The following COL5A1 variants were observed in gnomAD, a reference collection of about 807,000 sequenced individuals.
COL5A1 encodes the protein collagen alpha-1(V) chain.
A neutral mutation model predicts 263.7 loss-of-function variants in COL5A1; 16 were observed. The observed-to-expected ratio is 0.06, with a 90% confidence interval of 0.04 to 0.09. The LOEUF (loss-of-function observed/expected upper bound fraction) is 0.09. COL5A1 is among the 10% of genes least tolerant of loss of function. COL5A1 has a pLI of 1.00. For synonymous variants in COL5A1, 1,012 were observed against 1,004.5 expected (o/e 1.01, Z -0.14); for missense variants, 2,036 against 2,540.5 (o/e 0.80, Z 4.27).
At chr9:134,726,743 TGAAA>T (rs1834669550) in intron 4 of COL5A1, among the ~76,000 whole-genome samples, 1 of 148,786 alleles carries the variant, frequency 6.7e-6, no homozygotes, top group African/African-American at 2.5e-5. Flanking sequence ...AATGGATGAA[TGAAA>T]GAGTGGATGG....
chr9:134,756,245 C>T (rs1429501860), intron 16 of COL5A1, among the ~76,000 whole-genome samples: 3 of 152,322 alleles, frequency 2.0e-5, no homozygotes, highest in Admixed American at 6.5e-5. Context: ...TGCTGCCTCC[C>T]GTCGCTGTGT....
Position 134,798,438 on chromosome 9 carries a change from C to T in COL5A1, c.2929C>T (p.His977Tyr), listed in dbSNP as rs752716154. The part of the protein sequence containing the change: ...GPPGKDGLPG[H>Y]PGQRGETGFQ... ...TCCAGGCAAGGATGGACTCCCAGGA[C>T]ACCCTGGACAGAGAGGCGAGACTGT... is the stretch of plus-strand genomic sequence containing the variant. The change falls in exon 37 of 66, where the codon CAC becomes TAC. Residue 977 changes from histidine (H) to tyrosine (Y), a missense_variant. Coordinates refer to ENST00000371817, the MANE Select transcript of COL5A1 (RefSeq NM_000093.5). The T allele has an allele frequency of 1.2e-6, 2 of 1,614,130 alleles. No individual in the cohort carries two copies. The highest frequency in any genetic ancestry group is 1.1e-5 in the South Asian group (1 of 91,080).
At position 134,784,955 on chromosome 9, in the gene COL5A1, G is replaced by GGGGCA. The variant is rs376936600; in HGVS notation, c.2485-34_2485-33insGGGCA. On this transcript the variant is annotated intron_variant, in intron 29 of 65. Coordinates refer to ENST00000371817, the MANE Select transcript of COL5A1 (RefSeq NM_000093.5). The stretch of plus-strand genomic sequence containing the variant: ...GTGGAGAATAGTGTGTGTGCGGGGG[G>GGGGCA]TGGTCTTCTCACCTCCTCTTTTCTG... 271 of 1,501,978 alleles carry GGGGCA rather than the reference G, an allele frequency of 1.8e-4. 3 individuals carry two copies. In the African/African-American group the frequency reaches 1.9e-3, roughly 10 times the overall value. 93.0% of individuals were successfully genotyped at this position (1,501,978 alleles called of 1,614,324 possible).
chr9:134,822,032 G>T, intron 58 of COL5A1, 65 bp from the exon 59 acceptor site: 1 of 1,425,352 alleles, frequency 7.0e-7, no homozygotes, highest in Non-Finnish European at 9.9e-7. Context: ...CTGGGTAGCA[G>T]GGTTGCAGCC....
At chr9:134,650,710 G>A (rs926836003) in intron 1 of COL5A1, among the ~76,000 whole-genome samples, 1 of 152,268 alleles carries the variant, frequency 6.6e-6, no homozygotes, top group Admixed American at 6.5e-5. Flanking sequence ...GCGCCTGAAG[G>A]CAGGCTCCCA....
chr9:134,668,112 G>A (rs1409166567), intron 1 of COL5A1, among the ~76,000 whole-genome samples: 8 of 152,194 alleles, frequency 5.3e-5, no homozygotes, highest in Non-Finnish European at 1.0e-4. Context: ...CCCTGCTCTC[G>A]AGTCCTGTGT....
intron 28 of COL5A1, 173 bp from the exon 29 acceptor site, chr9:134,782,494 A>G: frequency 2.8e-6 from 2 of 725,194 alleles, no homozygotes; most frequent in South Asian, 3.0e-5. Context: ...CGCAGAGCTC[A>G]TGGGAAAGCC....
rs555838545 is a variant in COL5A1, at chr9:134,754,034, G to T, written c.1773+131G>T. On this transcript the variant is annotated intron_variant, in intron 15 of 65. Coordinates refer to ENST00000371817, the MANE Select transcript of COL5A1 (RefSeq NM_000093.5). This position sits in a 1 kb window ranked among gnomAD's most constrained non-coding sequence, Gnocchi z 4.3. ...TTCGTGGGAATTGTCCTTGCTTTAC[G>T]CAGTGCTGAGGGTGGAGCACAATGA... The T allele has an allele frequency of 3.3e-6, 3 of 896,058 alleles. No individual in the cohort carries two copies. The highest frequency in any genetic ancestry group is 5.4e-6 in the Non-Finnish European group (3 of 551,710). The allele number at this position is 896,058 out of a possible 1,614,324, so 55.5% of individuals were successfully genotyped here.
At chr9:134,816,213 CTG>C (rs1018684874) in intron 52 of COL5A1, among the ~76,000 whole-genome samples, 1 of 152,226 alleles carries the variant, frequency 6.6e-6, no homozygotes, top group African/African-American at 2.4e-5. Flanking sequence ...GATGCACGTG[CTG>C]TCTCAGCAGC....
intron 13 of COL5A1, among the ~76,000 whole-genome samples, chr9:134,751,237 G>T (rs111653304): frequency 4.1e-4 from 62 of 151,156 alleles, no homozygotes; most frequent in Non-Finnish European, 7.3e-4. Flanking sequence ...TCACTGTCCA[G>T]TAGGGACCCC....
intron 2 of COL5A1, among the ~76,000 whole-genome samples, chr9:134,698,931 C>T (rs945955833): frequency 6.6e-6 from 1 of 152,232 alleles, no homozygotes; most frequent in African/African-American, 2.4e-5. Context: ...GGCCCCCCTT[C>T]CTTGGCATGT....
At chr9:134,739,470 G>A (rs1013461209) in intron 11 of COL5A1, among the ~76,000 whole-genome samples, 2 of 152,356 alleles carry the variant, frequency 1.3e-5, no homozygotes, top group Admixed American at 6.5e-5. Flanking sequence ...GGCTGCGTGC[G>A]GGTGTTCGCG....
At chr9:134,828,609 C>CCACACA (rs1334499677) in intron 63 of COL5A1, among the ~76,000 whole-genome samples, 3 of 146,014 alleles carry the variant, frequency 2.1e-5, no homozygotes, top group Non-Finnish European at 4.5e-5. Context: ...CAGATACACA[C>CCACACA]CATACACCAC....
At chr9:134,812,333 T>C in intron 46 of COL5A1, 116 bp from the exon 47 acceptor site, 1 of 1,070,522 alleles carries the variant, frequency 9.3e-7, no homozygotes, top group Non-Finnish European at 1.4e-6. Context: ...GAGAAGCACC[T>C]TCCCGGGGCT....
rs561411765 is a variant in COL5A1 at position 134,824,624 on chromosome 9, C to G, written c.4723C>G (p.Pro1575Ala). ...PPGPPGEVIQ[P>A]LPIQASRTRR... ...GGGCCCCCCGGGAGAGGTCATCCAG[C>G]CCCTGCCAATCCAGGCATCCAGGAC... Residue 1575 changes from proline (P) to alanine (A), a missense_variant, in exon 62 of 66, where the codon CCC becomes GCC. Pro to Ala is a conservative substitution (Grantham distance 27). Transcript: ENST00000371817. 6.2e-7 allele frequency: 1 copy of G among 1,614,172 alleles called. No individual in the cohort carries two copies. The highest frequency in any genetic ancestry group is 1.7e-5 in the Admixed American group (1 of 60,020).
rs900388888 is a variant in COL5A1 at position 134,696,136 on chromosome 9, G to A, written c.278-3773G>A. On this transcript the variant is annotated intron_variant, in intron 2 of 65. Transcript: ENST00000371817. This position sits in a 1 kb window ranked among gnomAD's most constrained non-coding sequence, Gnocchi z 4.3. ...ATTTCCTATCCTCTGACCTCTTTCT[G>A]CCACCCTGCCCCACTGCCCCCTGCA... Among the ~76,000 whole-genome samples, 4 of 151,740 alleles carry A rather than the reference G, an allele frequency of 2.6e-5. No individual in the cohort carries two copies. The highest frequency in any genetic ancestry group is 6.6e-5 in the Admixed American group (1 of 15,240).
intron 1 of COL5A1, among the ~76,000 whole-genome samples, chr9:134,674,548 A>G (rs1306967437): frequency 1.3e-5 from 2 of 152,058 alleles, no homozygotes; most frequent in East Asian, 1.9e-4. Flanking sequence ...TGTGGAGGGT[A>G]CAGCACTATC....
At chr9:134,701,779 G>A (rs1833684650) in intron 4 of COL5A1, among the ~76,000 whole-genome samples, 1 of 152,318 alleles carries the variant, frequency 6.6e-6, no homozygotes, top group South Asian at 2.1e-4. Flanking sequence ...GACCTGTGCC[G>A]ACCCAACTCG....
chr9:134,751,521 C>T (rs1388161673), intron 13 of COL5A1, among the ~76,000 whole-genome samples: 1 of 152,176 alleles, frequency 6.6e-6, no homozygotes, highest in African/African-American at 2.4e-5. Context: ...TCACTCTCAG[C>T]CTGGGGGGTC....
Sources: allele counts gnomAD v4.1 joint callset (sites outside exome capture counted in the v4.1 genomes callset), GRCh38; gene constraint gnomAD v4.1.1; non-coding constraint Gnocchi (gnomAD v3.1); transcripts MANE v1.5; gene names NCBI Gene and HGNC (gene_info 2026-07-23, HGNC 2026-07-21).